RPE65: variants seen among roughly 807,000 people sequenced by gnomAD.
RPE65 encodes retinoid isomerohydrolase.
A neutral mutation model predicts 68.5 loss-of-function variants in RPE65; 58 were observed. That is an observed-to-expected ratio of 0.85 (90% CI 0.69 to 1.05). The LOEUF is 1.05. Among genes scored for constraint, RPE65 ranks in the 50% least tolerant of loss-of-function variants. RPE65 has a pLI of 0.00. For synonymous variants in RPE65, 220 were observed against 222.2 expected, an observed-to-expected ratio of 0.99 and a Z score of 0.09; for missense variants, 643 against 629.9, an observed-to-expected ratio of 1.02 and a Z score of -0.22.
In RPE65 at chr1:68,429,759, A is replaced by C; in HGVS notation, c.*17T>G. 6.2e-7 allele frequency: 1 copy of C among 1,613,398 alleles called. No homozygotes were observed. The highest frequency in any genetic ancestry group is 8.5e-7 in the Non-Finnish European group (1 of 1,179,546). On this transcript the variant is annotated 3_prime_UTR_variant, in exon 14 of 14. Transcript: ENST00000262340. Reference sequence around the variant, plus strand: ...TTCTCAGTTTTGCTACCAAAAACATATCTTGCTGGAGTATGCTCAAGATTT... The same window carrying C: ...TTCTCAGTTTTGCTACCAAAAACATCTCTTGCTGGAGTATGCTCAAGATTT...
chr1:68,438,800 T>C (rs1645878612), intron 9 of RPE65, 142 bp downstream of exon 9: 1 of 1,090,238 alleles, frequency 9.2e-7, no homozygotes, highest in Non-Finnish European at 1.4e-6. Context: ...AACTTCCTAC[T>C]GCTTTTCCAA....
chr1:68,447,781 C>T (rs1022601917), intron 2 of RPE65, among the ~76,000 whole-genome samples: 7 of 152,070 alleles, frequency 4.6e-5, no homozygotes, highest in African/African-American at 1.4e-4. Context: ...ACCCATGAGG[C>T]GGAGCTTGCA....
intron 1 of RPE65, among the ~76,000 whole-genome samples, chr1:68,449,313 A>G (rs1645965352): frequency 1.3e-5 from 2 of 152,116 alleles, no homozygotes; most frequent in Admixed American, 1.3e-4. Context: ...GACCTACAGT[A>G]CTTTTTCATC....
chr1:68,440,465 T>C (rs1235342747), intron 6 of RPE65, among the ~76,000 whole-genome samples: 1 of 152,210 alleles, frequency 6.6e-6, no homozygotes, highest in Non-Finnish European at 1.5e-5. Context: ...TACACTCTCA[T>C]ATATGTATGT....
intron 5 of RPE65, 106 bp downstream of exon 5, chr1:68,444,424 TC>T: frequency 7.1e-7 from 1 of 1,407,570 alleles, no homozygotes; most frequent in South Asian, 1.2e-5. Flanking sequence ...ATTCTGTGTG[TC>T]CTCATCAAGT....
intron 2 of RPE65, among the ~76,000 whole-genome samples, chr1:68,447,168 A>C (rs1295800143): frequency 6.6e-6 from 1 of 152,192 alleles, no homozygotes; most frequent in Non-Finnish European, 1.5e-5. Context: ...ATTTCCCCAA[A>C]CACCAATCCA....
At chr1:68,447,857 AAAAC>A (rs997534305) in intron 2 of RPE65, among the ~76,000 whole-genome samples, 14 of 152,156 alleles carry the variant, frequency 9.2e-5, no homozygotes, top group Non-Finnish European at 1.8e-4. Context: ...CTCAAAAAAC[AAAAC>A]AAACAAACAA....
intron 10 of RPE65, among the ~76,000 whole-genome samples, chr1:68,437,339 G>A (rs772216089): frequency 6.6e-6 from 1 of 151,908 alleles, no homozygotes; most frequent in Non-Finnish European, 1.5e-5. Flanking sequence ...CTTTATAGAC[G>A]CCCCTTTGCC....
Position 68,436,441 on chromosome 1 carries a change from C to T in RPE65, c.1128+1746G>A, listed in dbSNP as rs534622762. The stretch of plus-strand genomic sequence containing the variant: ...TTTTTCTACAAGCTAGCTCCTGTTA[C>T]TTCTATTTATTTATTTATTTATTTA... On this transcript the variant is annotated intron_variant, in intron 10 of 13. Transcript: ENST00000262340. Among the ~76,000 whole-genome samples the T allele has an allele frequency of 5.5e-3, 779 of 140,956 alleles. 3 individuals carry two copies. Among genetic ancestry groups the T allele is most frequent in the African/African-American group, 0.018 (687 of 37,764 alleles). 92.5% of individuals were successfully genotyped at this position (140,956 alleles called of 152,430 possible). A position where few individuals can be genotyped will look rare whatever the true frequency, so the allele number is the denominator to read the frequency against.
In RPE65 at chr1:68,448,631, A is replaced by G. The variant is rs761253680; in HGVS notation, c.87T>C (p.His29=). ...VEELSSPLTA[H]VTGRIPLWLT... ...AAGATGGGCGAGACCAACCTGTTAC[A>G]TGAGCTGTGAGCGGCGAGGACAGTT... The change falls in exon 2 of 14, where the codon CAT becomes CAC. Residue 29 remains histidine (H), a synonymous_variant. Transcript: ENST00000262340. 2 of 1,613,912 alleles carry G rather than the reference A, an allele frequency of 1.2e-6. No individual in the cohort carries two copies. Among genetic ancestry groups the G allele is most frequent in the Non-Finnish European group, 1.7e-6 (2 of 1,179,940 alleles).
chr1:68,443,089 C>T (rs998813634), intron 5 of RPE65, among the ~76,000 whole-genome samples: 1 of 151,846 alleles, frequency 6.6e-6, no homozygotes, highest in African/African-American at 2.4e-5. Context: ...TATAGCCCTA[C>T]TCATACTACT....
At chr1:68,437,456 T>G (rs1361084268) in intron 10 of RPE65, among the ~76,000 whole-genome samples, 2 of 152,246 alleles carry the variant, frequency 1.3e-5, no homozygotes, top group African/African-American at 4.8e-5. Flanking sequence ...GTTTATTTTC[T>G]ACTACACCAT....
At chr1:68,449,867 T>G in intron 1 of RPE65, 28 bp downstream of exon 1, 2 of 1,613,466 alleles carry the variant, frequency 1.2e-6, no homozygotes, top group Non-Finnish European at 1.7e-6. Context: ...ATGAAGGTGT[T>G]TTAAAAAAGT....
At chr1:68,434,371 A>C (rs1045468630) in intron 10 of RPE65, among the ~76,000 whole-genome samples, 1 of 152,028 alleles carries the variant, frequency 6.6e-6, no homozygotes, top group African/African-American at 2.4e-5. Context: ...TTTTGGTTAA[A>C]AAAGGAGGTT....
chr1:68,439,112 T>C (rs1212741979), intron 8 of RPE65, 31 bp from the exon 9 acceptor site: 1 of 1,613,920 alleles, frequency 6.2e-7, no homozygotes, highest in Non-Finnish European at 8.5e-7. Flanking sequence ...TTTTGATGCA[T>C]TTAAAAAGGA....
At position 68,440,872 on chromosome 1, in the gene RPE65, C is replaced by T. The variant is rs1170839612; in HGVS notation, c.624G>A (p.Lys208=). 8.1e-6 allele frequency: 13 copies of T among 1,613,862 alleles called. No homozygotes were observed. The highest frequency in any genetic ancestry group is 1.0e-5 in the Non-Finnish European group (12 of 1,179,900). ...KNFSIAYNIV[K]IPPLQADKED... ...ACTCACCTGCTTGCAGTGGTGGGAT[C>T]TTTACAATGTTGTAGGCAATTGAAA... Residue 208 remains lysine (K), a synonymous_variant, in exon 6 of 14, where the codon AAG becomes AAA. Coordinates refer to ENST00000262340, the MANE Select transcript of RPE65 (RefSeq NM_000329.3).
At chr1:68,445,747 C>T (rs1217241362) in intron 3 of RPE65, among the ~76,000 whole-genome samples, 1 of 152,074 alleles carries the variant, frequency 6.6e-6, no homozygotes, top group African/African-American at 2.4e-5. Context: ...AACTCCTGAC[C>T]TCAAGTGATC....
intron 10 of RPE65, among the ~76,000 whole-genome samples, chr1:68,436,861 C>G (rs1020407194): frequency 1.3e-5 from 2 of 152,160 alleles, no homozygotes; most frequent in Non-Finnish European, 2.9e-5. Flanking sequence ...TCCTGAACTC[C>G]TTCCTCTCCC....
In RPE65 at chr1:68,446,807, A is replaced by ATTTG. The variant is rs1645945978; in HGVS notation, c.147_148insCAAA (p.Phe50GlnfsTer3). The ATTTG allele has an allele frequency of 6.2e-7, 1 of 1,614,138 alleles. No homozygotes were observed. Reference sequence around the variant, plus strand: ...TAAAATGGCTCAGATCCAACTTCAAAGAGTCCTGGCCCACATCGAAGGAGA... The same window carrying ATTTG: ...TAAAATGGCTCAGATCCAACTTCAAATTTGGAGTCCTGGCCCACATCGAAGGAGA... On this transcript the variant is annotated frameshift_variant, in exon 3 of 14. Transcript: ENST00000262340. LOFTEE classifies it high-confidence loss of function.
Sources: allele counts gnomAD v4.1 joint callset (sites outside exome capture counted in the v4.1 genomes callset), GRCh38; gene constraint gnomAD v4.1.1; transcripts MANE v1.5; gene names NCBI Gene and HGNC (gene_info 2026-07-23, HGNC 2026-07-21).